Variants in NCOA3 observed in about 807,000 individuals in gnomAD.
NCOA3 encodes CBP-interacting protein.
NCOA3 carries 51 observed loss-of-function variants against 158.8 expected under a neutral mutation model. The ratio of observed to expected loss-of-function variants is 0.32; its 90% CI spans 0.26 to 0.41. NCOA3 has a LOEUF of 0.41. Among genes scored for constraint, NCOA3 ranks in the 10% least tolerant of loss-of-function variants. The probability of loss-of-function intolerance (pLI) is 1.00; values close to 1 mark genes in which losing one functional copy is unlikely to be tolerated. For missense variants in NCOA3, 1,510 were observed against 1,746.6 expected, an observed-to-expected ratio of 0.86 and a Z score of 2.41; for synonymous variants, 537 against 592.4, an observed-to-expected ratio of 0.91 and a Z score of 1.36.
intron 1 of NCOA3, among the ~76,000 whole-genome samples, chr20:47,537,311 C>G (rs972750332): frequency 8.6e-5 from 13 of 151,816 alleles, no homozygotes; most frequent in African/African-American, 2.7e-4. Flanking sequence ...AAGAACTTAT[C>G]AGAGAAGTAA....
chr20:47,542,336 G>A (rs1013452946), intron 1 of NCOA3, among the ~76,000 whole-genome samples: 1 of 151,748 alleles, frequency 6.6e-6, no homozygotes, highest in Admixed American at 6.6e-5. Flanking sequence ...AACCGTGCCC[G>A]GCTTCCTGTA....
intron 2 of NCOA3, among the ~76,000 whole-genome samples, chr20:47,603,586 C>T (rs951989245): frequency 4.6e-5 from 7 of 152,234 alleles, no homozygotes; most frequent in African/African-American, 1.7e-4. Flanking sequence ...TCAGGTCACA[C>T]ACGGACTTGA....
intron 1 of NCOA3, among the ~76,000 whole-genome samples, chr20:47,530,927 G>GC (rs2084534510): frequency 6.6e-6 from 1 of 152,196 alleles, no homozygotes; most frequent in Non-Finnish European, 1.5e-5. Flanking sequence ...TCCTAGATCT[G>GC]TAAACTGGCG....
At chr20:47,597,007 AAG>A (rs1337777999) in intron 2 of NCOA3, among the ~76,000 whole-genome samples, 1 of 152,214 alleles carries the variant, frequency 6.6e-6, no homozygotes, top group East Asian at 1.9e-4. Context: ...AATTTTCCTT[AAG>A]TACTTGATTT....
intron 1 of NCOA3, among the ~76,000 whole-genome samples, chr20:47,566,965 A>G (rs1327957920): frequency 6.6e-6 from 1 of 152,144 alleles, no homozygotes; most frequent in Non-Finnish European, 1.5e-5. Context: ...GAAAAAGAAG[A>G]AATTTAAAAA....
chr20:47,653,304 T>C (rs2086825969), intron 22 of NCOA3, 102 bp from the exon 23 acceptor site: 1 of 1,406,812 alleles, frequency 7.1e-7, no homozygotes. Flanking sequence ...CAGCCAGAGC[T>C]GCACTGTAAG....
At chr20:47,505,279 C>T (rs557535743) in intron 1 of NCOA3, among the ~76,000 whole-genome samples, 56 of 151,770 alleles carry the variant, frequency 3.7e-4, no homozygotes, top group South Asian at 1.5e-3. Context: ...AGGCTGGTCT[C>T]GAACTCCCAA....
At position 47,647,072 on chromosome 20, in the gene NCOA3, G is replaced by A. The variant is rs1281421000; in HGVS notation, c.3253-1G>A. The A allele has an allele frequency of 6.2e-7, 1 of 1,611,752 alleles. No homozygotes were observed. The highest frequency in any genetic ancestry group is 1.7e-5 in the Admixed American group (1 of 59,782). Reference sequence around the variant, plus strand: ...CTGTTCTTTTATGTGTTGTGTTTAAGGGACAGGCATTAGAGCCCAAACAGG... The same window carrying A: ...CTGTTCTTTTATGTGTTGTGTTTAAAGGACAGGCATTAGAGCCCAAACAGG... On this transcript the variant is annotated splice_acceptor_variant, in intron 17 of 22. Transcript: ENST00000371998. LOFTEE classifies it high-confidence loss of function.
At chr20:47,534,887 C>T (rs544356020) in intron 1 of NCOA3, among the ~76,000 whole-genome samples, 96 of 149,642 alleles carry the variant, frequency 6.4e-4, no homozygotes, top group African/African-American at 2.3e-3. Context: ...TGCACTATAG[C>T]GTGGGTGACA....
At position 47,647,280 on chromosome 20, in the gene NCOA3, C is replaced by T. The variant is rs777975309; in HGVS notation, c.3460C>T (p.His1154Tyr). The T allele has an allele frequency of 1.9e-6, 3 of 1,614,156 alleles. No individual in the cohort carries two copies. Among genetic ancestry groups the T allele is most frequent in the Non-Finnish European group, 2.5e-6 (3 of 1,180,010 alleles). The change falls in exon 18 of 23, where the codon CAC becomes TAC. Residue 1154 changes from histidine (H) to tyrosine (Y), a missense_variant. By Grantham distance (83) the His-to-Tyr change is moderately conservative (BLOSUM62 2). Around this residue, in one of 4 missense-constraint regions of NCOA3, gnomAD observed 1,017 missense variants for 1,098.3 expected, o/e 0.93. Coordinates refer to ENST00000371998, the MANE Select transcript of NCOA3 (RefSeq NM_181659.3). ...QQGNFPLQGM[H>Y]PRANIMRPRT... ...AGGCAATTTTCCTCTCCAAGGAATG[C>T]ACCCACGAGCCAACATCATGAGACC...
At chr20:47,637,573 T>G in intron 12 of NCOA3, 75 bp from the exon 13 acceptor site, 1 of 1,211,890 alleles carries the variant, frequency 8.3e-7, no homozygotes. Context: ...TCATGTATCA[T>G]TTTTTCTGAT....
chr20:47,545,872 G>C (rs1051808304), intron 1 of NCOA3, among the ~76,000 whole-genome samples: 2 of 151,918 alleles, frequency 1.3e-5, no homozygotes, highest in Non-Finnish European at 2.9e-5. Flanking sequence ...ATGCCATCAT[G>C]CCTGGTTAAT....
Position 47,526,517 on chromosome 20 carries a change from G to C in NCOA3, c.-99+24498G>C, listed in dbSNP as rs577139904. 4.3e-3 allele frequency among the ~76,000 whole-genome samples: 662 copies of C among 152,352 alleles called. 4 individuals carry two copies. Among genetic ancestry groups the C allele is most frequent in the Non-Finnish European group, 7.2e-3 (493 of 68,040 alleles). Reference sequence around the variant, plus strand: ...ACTCCGTCTGCAATCCCTGCACCTCGGGAGGCCGAGGCTGGCGGATCACTT... The same window carrying C: ...ACTCCGTCTGCAATCCCTGCACCTCCGGAGGCCGAGGCTGGCGGATCACTT... On this transcript the variant is annotated intron_variant, in intron 1 of 22. Transcript: ENST00000371998.
intron 14 of NCOA3, 138 bp from the exon 15 acceptor site, chr20:47,639,439 A>G (rs2086568334): frequency 8.3e-7 from 1 of 1,204,180 alleles, no homozygotes; most frequent in Admixed American, 2.2e-5. Flanking sequence ...ATGTCTCCAC[A>G]GTTGGCCAGC....
At chr20:47,651,358 A>C (rs1251786722) in intron 20 of NCOA3, 82 bp downstream of exon 20, 1 of 1,515,816 alleles carries the variant, frequency 6.6e-7, no homozygotes, top group Non-Finnish European at 8.8e-7. Context: ...TGCACATGAA[A>C]GACAAAAACA....
chr20:47,558,232 ATTTTTTTTT>A lies in NCOA3; in HGVS notation c.-98-24930_-98-24922del, dbSNP rs71183263. 5.5e-3 allele frequency among the ~76,000 whole-genome samples: 306 copies of A among 55,526 alleles called. 5 individuals are homozygous for A. The highest frequency in any genetic ancestry group is 0.042 in the South Asian group (62 of 1,490). 36.4% of individuals were successfully genotyped at this position (55,526 alleles called of 152,430 possible). A position where few individuals can be genotyped will look rare whatever the true frequency, so the allele number is the denominator to read the frequency against. ...CACCTCCACGCCCAGCTAATTTTGT[ATTTTTTTTT>A]TTTTTTTTTTTTTTTTTTTTAGTAG... is the stretch of plus-strand genomic sequence containing the variant. On this transcript the variant is annotated intron_variant, in intron 1 of 22. Coordinates refer to ENST00000371998, the MANE Select transcript of NCOA3 (RefSeq NM_181659.3).
chr20:47,513,108 G>A (rs1237175358), intron 1 of NCOA3, among the ~76,000 whole-genome samples: 2 of 152,120 alleles, frequency 1.3e-5, no homozygotes, highest in Admixed American at 6.5e-5. Context: ...GGCAGAGGTT[G>A]CAGTGAGCCG....
rs143783299 is a variant in NCOA3, at chr20:47,563,574, G to C, written c.-98-19609G>C. Among the ~76,000 whole-genome samples, 19 of 152,278 alleles carry C rather than the reference G, an allele frequency of 1.2e-4. No homozygotes were observed. The East Asian group carries it at 3.7e-3, about 29-fold the overall frequency. On this transcript the variant is annotated intron_variant, in intron 1 of 22. Coordinates refer to ENST00000371998, the MANE Select transcript of NCOA3 (RefSeq NM_181659.3). ...AGGCTGGGCATGATGGCTTATGCCT[G>C]TAATCCCAGCAGTTTAAGTGGCTGA... is the stretch of plus-strand genomic sequence containing the variant.
chr20:47,573,517 A>T (rs749052742), intron 1 of NCOA3, among the ~76,000 whole-genome samples: 11 of 152,232 alleles, frequency 7.2e-5, no homozygotes, highest in Non-Finnish European at 1.3e-4. Flanking sequence ...AGGGAGGCAT[A>T]CAAAGTGAGC....
Sources: allele counts gnomAD v4.1 joint callset (sites outside exome capture counted in the v4.1 genomes callset), GRCh38; gene constraint gnomAD v4.1.1; regional missense constraint gnomAD v4.1.1; transcripts MANE v1.5; gene names NCBI Gene and HGNC (gene_info 2026-07-23, HGNC 2026-07-21).